FCHO2: variants seen among roughly 807,000 people sequenced by gnomAD.
FCHO2 encodes the protein F-BAR domain only protein 2.
FCHO2 carries 43 observed loss-of-function variants against 114.1 expected under a neutral mutation model. The observed-to-expected ratio is 0.38, with a 90% confidence interval of 0.30 to 0.49. The LOEUF (loss-of-function observed/expected upper bound fraction) is 0.49. FCHO2 is among the 20% of genes least tolerant of loss of function. The pLI, the probability that FCHO2 is intolerant of heterozygous loss-of-function variation, is 0.97. For synonymous variants in FCHO2, 293 were observed against 315.2 expected (o/e 0.93, Z 0.75); for missense variants, 807 against 950.4 (o/e 0.85, Z 1.98).
chr5:73,054,603 A>G, intron 15 of FCHO2, 54 bp downstream of exon 15: 1 of 1,316,542 alleles, frequency 7.6e-7, no homozygotes, highest in Non-Finnish European at 1.1e-6. Flanking sequence ...TTATAAGGCA[A>G]TTTGTTAGTC....
At chr5:72,996,099 C>T (rs774070593) in intron 5 of FCHO2, among the ~76,000 whole-genome samples, 3 of 151,954 alleles carry the variant, frequency 2.0e-5, no homozygotes, top group African/African-American at 2.4e-5. Flanking sequence ...AAAAATTAGC[C>T]GGGCGTGGTA....
chr5:73,001,272 C>G (rs1414172641), intron 5 of FCHO2, among the ~76,000 whole-genome samples: 1 of 151,630 alleles, frequency 6.6e-6, no homozygotes, highest in Admixed American at 6.6e-5. Flanking sequence ...TGAGATCGCA[C>G]CATTGCATTC....
intron 1 of FCHO2, among the ~76,000 whole-genome samples, chr5:72,963,170 T>A (rs944966235): frequency 1.3e-5 from 2 of 152,200 alleles, no homozygotes; most frequent in Non-Finnish European, 2.9e-5. Context: ...ATGGAAGATA[T>A]ATCAAGCACG....
chr5:73,054,166 A>T lies in FCHO2; in HGVS notation c.1180A>T (p.Ser394Cys). 1.3e-6 allele frequency: 2 copies of T among 1,521,622 alleles called. No individual in the cohort carries two copies. Among genetic ancestry groups the T allele is most frequent in the Non-Finnish European group, 1.8e-6 (2 of 1,130,184 alleles). 94.3% of individuals were successfully genotyped at this position (1,521,622 alleles called of 1,614,324 possible). A position where few individuals can be genotyped will look rare whatever the true frequency, so the allele number is the denominator to read the frequency against. ...TTCTTCCATGTACTACTAGAGACAC[A>T]GTCCAGTAAGTACAAGATTTTATAT... is the stretch of plus-strand genomic sequence containing the variant. ...ITLSPAISRH[S>C]PVQMNRNLSN... Residue 394 changes from serine to cysteine, a missense_variant, in exon 14 of 26, where the codon AGT becomes TGT. Coordinates refer to ENST00000430046, the MANE Select transcript of FCHO2 (RefSeq NM_138782.3).
intron 1 of FCHO2, among the ~76,000 whole-genome samples, chr5:72,960,478 TG>T (rs1751797921): frequency 6.6e-6 from 1 of 151,982 alleles, no homozygotes; most frequent in African/African-American, 2.4e-5. Flanking sequence ...GCTTTTAATA[TG>T]TAAAAACAAT....
chr5:73,077,276 C>A, intron 20 of FCHO2, 62 bp from the exon 21 acceptor site: 1 of 1,484,796 alleles, frequency 6.7e-7, no homozygotes. Context: ...CTTTTTAAAC[C>A]AAATACTTTA....
chr5:73,029,819 C>A (rs1400398918), intron 8 of FCHO2, among the ~76,000 whole-genome samples: 1 of 152,104 alleles, frequency 6.6e-6, no homozygotes. Flanking sequence ...ACACTTATTA[C>A]CAAGGGGATG....
intron 5 of FCHO2, among the ~76,000 whole-genome samples, chr5:73,003,785 T>C (rs1490542943): frequency 6.6e-6 from 1 of 152,056 alleles, no homozygotes; most frequent in East Asian, 1.9e-4. Flanking sequence ...GGCTCATGCC[T>C]GTAATCCCAG....
At chr5:73,004,464 A>G (rs1453454119) in intron 5 of FCHO2, among the ~76,000 whole-genome samples, 1 of 152,166 alleles carries the variant, frequency 6.6e-6, no homozygotes, top group Non-Finnish European at 1.5e-5. Context: ...AATACAACTC[A>G]GTAACTCGGA....
intron 8 of FCHO2, among the ~76,000 whole-genome samples, chr5:73,020,083 A>G (rs1288623718): frequency 6.6e-6 from 1 of 152,178 alleles, no homozygotes; most frequent in Non-Finnish European, 1.5e-5. Context: ...CTGGAGAGGC[A>G]ACATCCCAGA....
chr5:73,088,734 A>G lies in FCHO2; in HGVS notation c.*644A>G, dbSNP rs1334897567. On this transcript the variant is annotated 3_prime_UTR_variant, in exon 26 of 26. Transcript: ENST00000430046. ...CAATGTGTTTTAAAATAAGCTTGCA[A>G]ATGACAGCAGAGACATTTACTTCTG... 1 of 152,660 alleles carries G rather than the reference A, an allele frequency of 6.6e-6. No individual in the cohort carries two copies. Among genetic ancestry groups the G allele is most frequent in the Non-Finnish European group, 1.5e-5 (1 of 68,040 alleles). The allele number at this position is 152,660 out of a possible 1,614,324, so 9.5% of individuals were successfully genotyped here.
intron 19 of FCHO2, among the ~76,000 whole-genome samples, chr5:73,072,304 T>C (rs1241349545): frequency 6.6e-6 from 1 of 152,026 alleles, no homozygotes; most frequent in Non-Finnish European, 1.5e-5. Flanking sequence ...GCACTGTTGG[T>C]GAGAATGTAA....
intron 1 of FCHO2, among the ~76,000 whole-genome samples, chr5:72,956,801 C>T (rs1206436798): frequency 6.6e-6 from 1 of 152,122 alleles, no homozygotes; most frequent in Non-Finnish European, 1.5e-5. Flanking sequence ...GCTCCTTCCC[C>T]TTCCTCATTC....
chr5:73,011,976 T>C (rs1755039384), intron 6 of FCHO2, among the ~76,000 whole-genome samples: 1 of 152,066 alleles, frequency 6.6e-6, no homozygotes, highest in Non-Finnish European at 1.5e-5. Flanking sequence ...AAGGACCTGC[T>C]GGAGGCTGTT....
chr5:73,002,324 A>G (rs1029418759), intron 5 of FCHO2, among the ~76,000 whole-genome samples: 2 of 152,198 alleles, frequency 1.3e-5, no homozygotes, highest in Non-Finnish European at 2.9e-5. Context: ...TCTTCCCTCC[A>G]TGTCTTAAAG....
chr5:72,961,825 AGG>A, intron 1 of FCHO2, among the ~76,000 whole-genome samples: 1 of 152,272 alleles, frequency 6.6e-6, no homozygotes, highest in African/African-American at 2.4e-5. Flanking sequence ...TCCTGACCTC[AGG>A]TGATCCGCCT....
chr5:73,062,431 T>C (rs1167654318), intron 17 of FCHO2, among the ~76,000 whole-genome samples: 1 of 152,064 alleles, frequency 6.6e-6, no homozygotes, highest in Non-Finnish European at 1.5e-5. Context: ...AAGTTTGAAA[T>C]AACATAGGCT....
At position 73,022,475 on chromosome 5, in the gene FCHO2, G is replaced by C. The variant is rs78732057; in HGVS notation, c.796+5167G>C. ...TACTGCTTTTTGCTTTTATATGCCAGTGTCATTTCCTAAGACACTGCTCAG... is the reference window on the plus strand; with the variant it reads ...TACTGCTTTTTGCTTTTATATGCCACTGTCATTTCCTAAGACACTGCTCAG... On this transcript the variant is annotated intron_variant, in intron 8 of 25. Coordinates refer to ENST00000430046, the MANE Select transcript of FCHO2 (RefSeq NM_138782.3). Among the ~76,000 whole-genome samples, 1,108 of 152,166 alleles carry C rather than the reference G, an allele frequency of 7.3e-3. 10 individuals are homozygous for C. The highest frequency in any genetic ancestry group is 0.025 in the African/African-American group (1,050 of 41,512).
chr5:73,087,144 A>T (rs1411177509), intron 24 of FCHO2, among the ~76,000 whole-genome samples: 1 of 152,234 alleles, frequency 6.6e-6, no homozygotes, highest in African/African-American at 2.4e-5. Flanking sequence ...AACTTTAAAA[A>T]GAAAAGTGAA....
Sources: allele counts gnomAD v4.1 joint callset (sites outside exome capture counted in the v4.1 genomes callset), GRCh38; gene constraint gnomAD v4.1.1; transcripts MANE v1.5; gene names NCBI Gene and HGNC (gene_info 2026-07-23, HGNC 2026-07-21).